KLRG1: variants seen among roughly 807,000 people sequenced by gnomAD.
KLRG1 encodes the protein killer cell lectin-like receptor subfamily G member 1.
A neutral mutation model predicts 21.8 loss-of-function variants in KLRG1; 16 were observed. The ratio of observed to expected loss-of-function variants is 0.73; its 90% confidence interval spans 0.50 to 1.11. The LOEUF (loss-of-function observed/expected upper bound fraction) is 1.11, where lower values mean the gene tolerates loss of function less well. Among genes scored for constraint, KLRG1 ranks in the 50% most tolerant of loss-of-function variants. The pLI, the probability that KLRG1 is intolerant of heterozygous loss-of-function variation, is 0.00. For missense variants in KLRG1, 173 were observed against 218.3 expected (o/e 0.79, Z 1.31); for synonymous variants, 69 against 75.9 (o/e 0.91, Z 0.47).
chr12:9,091,753 A>G, the KLRG1 span, among the ~76,000 whole-genome samples: 1 of 152,286 alleles, frequency 6.6e-6, no homozygotes, highest in South Asian at 2.1e-4. Context: ...AAATTCTACT[A>G]CTATTGTGTA....
At chr12:8,966,092 A>T (rs978113848) in intron 1 of KLRG1, among the ~76,000 whole-genome samples, 1 of 152,194 alleles carries the variant, frequency 6.6e-6, no homozygotes, top group African/African-American at 2.4e-5. Flanking sequence ...TGGGGAAAGG[A>T]TTCCCTATTT....
the KLRG1 span, chr12:9,168,823 A>G: frequency 5.6e-6 from 8 of 1,423,844 alleles, no homozygotes; most frequent in African/African-American, 1.1e-4. Flanking sequence ...GGGCATAGTA[A>G]TATTGTTGGA....
At chr12:9,088,427 G>A in the KLRG1 span, among the ~76,000 whole-genome samples, 1 of 152,104 alleles carries the variant, frequency 6.6e-6, no homozygotes, top group African/African-American at 2.4e-5. Context: ...AGGATTGAAT[G>A]ATAGGTAATC....
At chr12:9,151,910 A>G in the KLRG1 span, among the ~76,000 whole-genome samples, 2 of 152,160 alleles carry the variant, frequency 1.3e-5, no homozygotes, top group African/African-American at 4.8e-5. Flanking sequence ...TTTAGTGCAT[A>G]TCAGTCAGTT....
the KLRG1 span, among the ~76,000 whole-genome samples, chr12:9,108,099 GTTTATTTTATTTTATTTTATTTTAT>G: frequency 1.9e-4 from 28 of 148,262 alleles, no homozygotes; most frequent in Non-Finnish European, 3.6e-4. Context: ...AGTTTCACTT[GTTTATTTTATTTTATTTTATTTTAT>G]TTTATTTTAT....
At chr12:9,154,972 C>T in the KLRG1 span, 3 of 913,444 alleles carry the variant, frequency 3.3e-6, no homozygotes, top group Admixed American at 2.7e-5. Flanking sequence ...ATGTCATAAA[C>T]TCCTAAAACT....
the KLRG1 span, chr12:9,079,435 T>G: frequency 7.8e-7 from 1 of 1,276,550 alleles, no homozygotes; most frequent in East Asian, 2.4e-5. Flanking sequence ...TTTCTTAAAT[T>G]TTGTTGTCAT....
intron 3 of KLRG1, among the ~76,000 whole-genome samples, chr12:8,998,189 C>T (rs1175524504): frequency 1.3e-5 from 2 of 151,988 alleles, no homozygotes; most frequent in African/African-American, 2.4e-5. Flanking sequence ...ATTAGCTAGG[C>T]GTGCTGTTAT....
At chr12:9,086,359 C>A in the KLRG1 span, among the ~76,000 whole-genome samples, 1 of 152,136 alleles carries the variant, frequency 6.6e-6, no homozygotes, top group African/African-American at 2.4e-5. Context: ...AAAAGCTCAT[C>A]ACTTAAAAAA....
chr12:8,993,916 T>C (rs1413558030), intron 2 of KLRG1, among the ~76,000 whole-genome samples: 2 of 152,114 alleles, frequency 1.3e-5, no homozygotes, highest in Non-Finnish European at 2.9e-5. Context: ...GCTCATGGAG[T>C]ATAATGGCTC....
chr12:9,160,014 G>C, the KLRG1 span: 1 of 1,613,592 alleles, frequency 6.2e-7, no homozygotes, highest in African/African-American at 1.3e-5. Context: ...TAGTTCAGCT[G>C]TCTCTGGTAA....
At chr12:9,210,702 T>G in the KLRG1 span, among the ~76,000 whole-genome samples, 4 of 152,186 alleles carry the variant, frequency 2.6e-5, no homozygotes, top group Admixed American at 6.5e-5. Context: ...AAGTCTTAAG[T>G]GTGTATTTTT....
At chr12:9,015,995 G>A in the KLRG1 span, among the ~76,000 whole-genome samples, 1 of 152,032 alleles carries the variant, frequency 6.6e-6, no homozygotes, top group Non-Finnish European at 1.5e-5. Context: ...AAATCTATGG[G>A]ATACAATGAA....
chr12:8,970,997 G>T (rs1231676246), intron 1 of KLRG1: 1 of 152,044 alleles, frequency 6.6e-6, no homozygotes, highest in Non-Finnish European at 1.5e-5. Flanking sequence ...TATTTTTATA[G>T]ATATTTTGTT....
the KLRG1 span, among the ~76,000 whole-genome samples, chr12:9,185,776 G>A: frequency 1.4e-5 from 1 of 73,214 alleles, no homozygotes; most frequent in East Asian, 4.2e-4. Context: ...AGAGATTTGG[G>A]GCCTATGTTC....
At chr12:9,028,146 CTTCTTT>C in the KLRG1 span, 14 of 503,450 alleles carry the variant, frequency 2.8e-5, no homozygotes, top group Non-Finnish European at 3.9e-5. Context: ...TCGTCGTCTT[CTTCTTT>C]TTTTTTTTTT....
the KLRG1 span, among the ~76,000 whole-genome samples, chr12:9,098,907 G>A: frequency 2.0e-5 from 3 of 150,532 alleles, no homozygotes; most frequent in African/African-American, 7.3e-5. Context: ...GAAGCTTTTT[G>A]TTCCCTACAC....
chr12:9,083,755 A>G, the KLRG1 span, among the ~76,000 whole-genome samples: 3 of 57,416 alleles, frequency 5.2e-5, no homozygotes, highest in East Asian at 2.4e-4. Context: ...ATAGAATCAG[A>G]AAAAAAAAAA....
At chr12:9,161,834 C>T in the KLRG1 span, among the ~76,000 whole-genome samples, 2 of 152,130 alleles carry the variant, frequency 1.3e-5, no homozygotes, top group East Asian at 1.9e-4. Flanking sequence ...ATTTTCTACA[C>T]GGAAAACACA....
Sources: gnomAD v4.1 joint callset for allele counts (sites outside exome capture counted in the v4.1 genomes callset) on GRCh38, gnomAD v4.1.1 for gene constraint, MANE v1.5 for transcripts, NCBI Gene and HGNC (gene_info 2026-07-23, HGNC 2026-07-21) for gene names.